HEPHL1: variants seen among roughly 807,000 people sequenced by gnomAD.
HEPHL1 encodes ferroxidase HEPHL1.
HEPHL1 carries 123 observed loss-of-function variants against 122.0 expected under a neutral mutation model. The ratio of observed to expected loss-of-function variants is 1.01; its 90% CI spans 0.87 to 1.17. The LOEUF is 1.17. HEPHL1 is among the 50% of genes most tolerant of loss of function. HEPHL1 has a pLI of 0.00. For synonymous variants in HEPHL1, 527 were observed against 508.9 expected, an observed-to-expected ratio of 1.04 and a Z score of -0.48; for missense variants, 1,452 against 1,430.5, an observed-to-expected ratio of 1.01 and a Z score of -0.24.
intron 5 of HEPHL1, 22 bp from the exon 6 acceptor site, chr11:94,070,352 G>T (rs145096898): frequency 3.2e-6 from 5 of 1,567,498 alleles, no homozygotes; most frequent in East Asian, 2.3e-5. Context: ...GCCTCAGCTC[G>T]TGGTTTTCCT....
At position 94,113,920 on chromosome 11, in the gene HEPHL1, C is replaced by T. The variant is rs1022687824; in HGVS notation, c.*2026C>T. On this transcript the variant is annotated 3_prime_UTR_variant, in exon 20 of 20. Transcript: ENST00000315765. Reference sequence around the variant, plus strand: ...TCCACAAATAATATGACTTCTCAAACATTGTTTCCTCAAACATAACTACAC... The same window carrying T: ...TCCACAAATAATATGACTTCTCAAATATTGTTTCCTCAAACATAACTACAC... Among the ~76,000 whole-genome samples the T allele has an allele frequency of 1.4e-4, 21 of 152,282 alleles. No homozygotes were observed. The highest frequency in any genetic ancestry group is 8.5e-4 in the Admixed American group (13 of 15,298).
chr11:94,086,227 T>C (rs1268968831), intron 11 of HEPHL1, 38 bp downstream of exon 11: 1 of 1,480,256 alleles, frequency 6.8e-7, no homozygotes, highest in Non-Finnish European at 9.3e-7. Flanking sequence ...ACCAGATTTC[T>C]ACCTTCAGGC....
At chr11:94,055,929 GC>G in intron 2 of HEPHL1, 1 of 1,293,888 alleles carries the variant, frequency 7.7e-7, no homozygotes, top group Non-Finnish European at 1.1e-6. Flanking sequence ...AACAGCTAAG[GC>G]CAGGCCAAAC....
At chr11:94,103,420 A>T (rs4556498) in intron 15 of HEPHL1, among the ~76,000 whole-genome samples, 1 of 152,190 alleles carries the variant, frequency 6.6e-6, no homozygotes, top group South Asian at 2.1e-4. Flanking sequence ...ATATACAACA[A>T]TAAAATAAAT....
chr11:94,045,053 C>A (rs1591467149), intron 1 of HEPHL1, among the ~76,000 whole-genome samples: 1 of 152,254 alleles, frequency 6.6e-6, no homozygotes, highest in East Asian at 1.9e-4. Context: ...CTACAGGCGG[C>A]CCACCACCAT....
In HEPHL1 at chr11:94,063,644, G is replaced by T. The variant is rs373309363; in HGVS notation, c.552G>T (p.Trp184Cys). 6.2e-7 allele frequency: 1 copy of T among 1,613,710 alleles called. No individual in the cohort carries two copies. Among genetic ancestry groups the T allele is most frequent in the African/African-American group, 1.3e-5 (1 of 74,882 alleles). Residue 184 changes from tryptophan to cysteine, a missense_variant, in exon 3 of 20, where the codon TGG becomes TGT. Transcript: ENST00000315765. ...CAGCCGATGCCAACTGCCTGACCTG[G>T]GTGTACCATTCGCACATCGACGCCC... ...PTPADANCLT[W>C]VYHSHIDAPK...
intron 2 of HEPHL1, among the ~76,000 whole-genome samples, chr11:94,047,766 G>A (rs538792802): frequency 6.6e-6 from 1 of 152,250 alleles, no homozygotes; most frequent in South Asian, 2.1e-4. Context: ...TTTCTGGAAA[G>A]CATACCTTAA....
chr11:94,086,334 C>A, intron 11 of HEPHL1, 145 bp downstream of exon 11: 1 of 654,652 alleles, frequency 1.5e-6, no homozygotes, highest in Non-Finnish European at 2.6e-6. Flanking sequence ...ATCAGAGAAT[C>A]CTGACTTATT....
chr11:94,056,928 G>T (rs1242496682), intron 2 of HEPHL1, among the ~76,000 whole-genome samples: 3 of 151,958 alleles, frequency 2.0e-5, no homozygotes, highest in African/African-American at 7.3e-5. Context: ...TTGTCCTTTA[G>T]TATTCCTTGT....
chr11:94,086,080 T>C lies in HEPHL1; in HGVS notation c.1971T>C (p.His657=). ...LIGLGTDTDM[H]GIVFQGNTIH... Reference sequence around the variant, plus strand: ...GATTGGGCACTGACACTGACATGCATGGAATTGTTTTTCAAGGGAACACCA... The same window carrying C: ...GATTGGGCACTGACACTGACATGCACGGAATTGTTTTTCAAGGGAACACCA... The change falls in exon 11 of 20, where the codon CAT becomes CAC. Residue 657 remains histidine, a synonymous_variant. Transcript: ENST00000315765. The C allele has an allele frequency of 9.9e-6, 16 of 1,613,754 alleles. No individual in the cohort carries two copies. The highest frequency in any genetic ancestry group is 1.4e-5 in the Non-Finnish European group (16 of 1,179,794).
chr11:94,021,553 G>T lies in HEPHL1; in HGVS notation c.170+15G>T. The T allele has an allele frequency of 6.3e-7, 1 of 1,580,050 alleles. No individual in the cohort carries two copies. Among genetic ancestry groups the T allele is most frequent in the East Asian group, 2.2e-5 (1 of 44,540 alleles). On this transcript the variant is annotated intron_variant, in intron 1 of 19. Transcript: ENST00000315765. ...ACAGAAGACAAGTGAGTGAACTTAG[G>T]GTCCTCATTGACTCCCAGGTTTGGC...
rs1946243122 is a variant in HEPHL1, at chr11:94,089,072, G to A, written c.2294+104G>A. ...CAAATTCCCAGGTTGTGTCTCCACA[G>A]TTCCGGCCGACAGAGACTTTTACTT... On this transcript the variant is annotated intron_variant, in intron 12 of 19. Coordinates refer to ENST00000315765, the MANE Select transcript of HEPHL1 (RefSeq NM_001098672.2). The A allele has an allele frequency of 3.3e-5, 35 of 1,052,992 alleles. No individual in the cohort carries two copies. The East Asian group carries it at 7.9e-4, about 24-fold the overall frequency. The allele number at this position is 1,052,992 out of a possible 1,614,324, so 65.2% of individuals were successfully genotyped here.
Position 94,021,571 on chromosome 11 carries a change from G to T in HEPHL1, c.170+33G>T, listed in dbSNP as rs1274039880. On this transcript the variant is annotated intron_variant, in intron 1 of 19. Coordinates refer to ENST00000315765, the MANE Select transcript of HEPHL1 (RefSeq NM_001098672.2). ...AACTTAGGGTCCTCATTGACTCCCAGGTTTGGCCTCTTTTTGACTTTGTGT... is the reference window on the plus strand; with the variant it reads ...AACTTAGGGTCCTCATTGACTCCCATGTTTGGCCTCTTTTTGACTTTGTGT... The T allele has an allele frequency of 2.6e-6, 4 of 1,540,112 alleles. No individual in the cohort carries two copies. In the African/African-American group the frequency reaches 5.5e-5, roughly 21 times the overall value.
chr11:94,025,781 C>A (rs1373504116), intron 1 of HEPHL1, among the ~76,000 whole-genome samples: 3 of 152,090 alleles, frequency 2.0e-5, no homozygotes, highest in African/African-American at 7.2e-5. Context: ...TTTTTGTGAG[C>A]TTTGAAATAA....
intron 2 of HEPHL1, chr11:94,055,054 T>C: frequency 6.2e-6 from 1 of 161,518 alleles, no homozygotes; most frequent in Non-Finnish European, 1.3e-5. Flanking sequence ...CACAGACTGC[T>C]CTGCCGGAAG....
chr11:94,053,280 C>T (rs1375994049), intron 2 of HEPHL1, among the ~76,000 whole-genome samples: 1 of 151,806 alleles, frequency 6.6e-6, no homozygotes, highest in African/African-American at 2.4e-5. Context: ...CCTTATAATC[C>T]TTTTAATTTC....
intron 2 of HEPHL1, among the ~76,000 whole-genome samples, chr11:94,054,090 CT>C (rs928910033): frequency 2.0e-5 from 3 of 151,988 alleles, no homozygotes; most frequent in African/African-American, 7.3e-5. Flanking sequence ...TCTATTTGTT[CT>C]TTTTTTGGGG....
intron 8 of HEPHL1, 82 bp downstream of exon 8, chr11:94,073,521 G>T: frequency 7.2e-7 from 1 of 1,385,992 alleles, no homozygotes; most frequent in Non-Finnish European, 9.9e-7. Context: ...TTCAAATCCT[G>T]GTCCTTTCCA....
intron 1 of HEPHL1, among the ~76,000 whole-genome samples, chr11:94,032,080 A>G (rs115298097): frequency 0.021 from 3,245 of 152,328 alleles, 117 homozygotes; most frequent in African/African-American, 0.075. Flanking sequence ...ACAGCTAATC[A>G]AAGCCTCCTT....
Sources: gnomAD v4.1 joint callset for allele counts (sites outside exome capture counted in the v4.1 genomes callset) on GRCh38, gnomAD v4.1.1 for gene constraint, MANE v1.5 for transcripts, NCBI Gene and HGNC (gene_info 2026-07-23, HGNC 2026-07-21) for gene names.